ACKR3: variants seen among roughly 807,000 people sequenced by gnomAD.
ACKR3 encodes atypical chemokine receptor 3.
In ACKR3, 6 loss-of-function variants were observed where a neutral mutation model predicts 22.4. The observed-to-expected ratio is 0.27, with a 90% CI of 0.15 to 0.53. ACKR3 has a LOEUF of 0.53. Among genes scored for constraint, ACKR3 ranks in the 20% least tolerant of loss-of-function variants. The pLI is 0.96. For missense variants in ACKR3, 396 were observed against 475.2 expected (o/e 0.83, Z 1.55); for synonymous variants, 209 against 205.2 (o/e 1.02, Z -0.16).
At chr2:236,559,104 C>T in the ACKR3 span, among the ~76,000 whole-genome samples, 1 of 152,152 alleles carries the variant, frequency 6.6e-6, no homozygotes, top group Admixed American at 6.5e-5. Context: ...CCATTAGGCC[C>T]TCTGTGCTTT....
At chr2:236,566,886 TTC>T (rs984943433), upstream of ACKR3, among the ~76,000 whole-genome samples, 1 of 151,376 alleles carries the variant, frequency 6.6e-6, no homozygotes, top group African/African-American at 2.4e-5. Flanking sequence ...TTTTCTTCCT[TTC>T]TCTCTCTGTC....
chr2:236,557,678 ATT>A, the ACKR3 span, among the ~76,000 whole-genome samples: 1 of 152,224 alleles, frequency 6.6e-6, no homozygotes, highest in Non-Finnish European at 1.5e-5. Flanking sequence ...AGAATGAGAT[ATT>A]TGCATACATT....
At chr2:236,578,069 A>G (rs71424925) in intron 1 of ACKR3, among the ~76,000 whole-genome samples, 17,568 of 152,302 alleles carry the variant, frequency 0.12, 1,094 homozygotes, top group Middle Eastern at 0.18. Flanking sequence ...GTTGCAGTAG[A>G]GCCATGTGGG....
chr2:236,540,102 C>CA, the ACKR3 span, among the ~76,000 whole-genome samples: 7 of 152,284 alleles, frequency 4.6e-5, no homozygotes, highest in Admixed American at 2.0e-4. Context: ...TAGGAAACTG[C>CA]AAAACAGTTT....
rs1447038445 is a variant in ACKR3, at chr2:236,577,859, A to C, written c.-26-2581A>C. On this transcript the variant is annotated intron_variant, in intron 1 of 1. Transcript: ENST00000272928. The surrounding 1 kb of genome is among the most constrained non-coding windows in gnomAD (Gnocchi z 5.6). The stretch of plus-strand genomic sequence containing the variant: ...CCAGTGGGGACAGAGCAGGGAGCCC[A>C]AGCCAGGCGCCAGCCGAGCTCCCTC... Among the ~76,000 whole-genome samples, 1 of 152,160 alleles carries C rather than the reference A, an allele frequency of 6.6e-6. No individual in the cohort carries two copies. Among genetic ancestry groups the C allele is most frequent in the Non-Finnish European group, 1.5e-5 (1 of 68,024 alleles).
chr2:236,548,387 C>T, the ACKR3 span, among the ~76,000 whole-genome samples: 1 of 152,154 alleles, frequency 6.6e-6, no homozygotes, highest in Admixed American at 6.5e-5. This position sits in a 1 kb window ranked among gnomAD's most constrained non-coding sequence, Gnocchi z 4.3. Flanking sequence ...ATTTTTGGAC[C>T]ACAAAGATGT....
intron 1 of ACKR3, among the ~76,000 whole-genome samples, chr2:236,578,808 T>A (rs1691464547): frequency 6.6e-6 from 1 of 152,172 alleles, no homozygotes; most frequent in African/African-American, 2.4e-5. Context: ...CATTTACTAC[T>A]CAGCCAGTGA....
At chr2:236,563,507 T>C (rs1376087859), upstream of ACKR3, among the ~76,000 whole-genome samples, 1 of 151,978 alleles carries the variant, frequency 6.6e-6, no homozygotes, top group Non-Finnish European at 1.5e-5. Flanking sequence ...CGAAAGAAGG[T>C]TTTCTAAAGC....
At chr2:236,559,213 A>G in the ACKR3 span, among the ~76,000 whole-genome samples, 3 of 152,248 alleles carry the variant, frequency 2.0e-5, no homozygotes, top group East Asian at 5.8e-4. Flanking sequence ...AGAGAAAGTA[A>G]TGCTTCACTC....
chr2:236,555,043 G>A, the ACKR3 span, among the ~76,000 whole-genome samples: 1 of 152,192 alleles, frequency 6.6e-6, no homozygotes, highest in African/African-American at 2.4e-5. Context: ...CAATCAAGTG[G>A]TTGCCAAGCT....
At chr2:236,559,303 A>G in the ACKR3 span, among the ~76,000 whole-genome samples, 3 of 152,274 alleles carry the variant, frequency 2.0e-5, no homozygotes, top group Admixed American at 2.0e-4. Context: ...AGGTAACAGC[A>G]AGTAATATAA....
chr2:236,561,118 A>C, the ACKR3 span, among the ~76,000 whole-genome samples: 94 of 152,370 alleles, frequency 6.2e-4, no homozygotes, highest in Admixed American at 1.0e-3. Flanking sequence ...TCATAGAATC[A>C]AAGAGTGGAA....
chr2:236,567,244 C>A (rs1295783288), upstream of ACKR3, among the ~76,000 whole-genome samples: 3 of 152,146 alleles, frequency 2.0e-5, no homozygotes, highest in African/African-American at 7.2e-5. Flanking sequence ...CGCGATCCGC[C>A]CGCCTCGGCC....
chr2:236,579,123 G>A (rs554272334), intron 1 of ACKR3, among the ~76,000 whole-genome samples: 1 of 152,318 alleles, frequency 6.6e-6, no homozygotes, highest in South Asian at 2.1e-4. Context: ...GTCTGATCTC[G>A]GAGTGGGCGG....
upstream of ACKR3, chr2:236,569,514 A>T (rs1188063914): frequency 2.0e-5 from 3 of 152,232 alleles, no homozygotes; most frequent in African/African-American, 7.2e-5. Context: ...TAAATATTTG[A>T]TGATTTTGCC....
Position 236,581,089 on chromosome 2 carries a change from G to C in ACKR3, c.624G>C (p.Trp208Cys). The C allele has an allele frequency of 6.2e-7, 1 of 1,614,198 alleles. No individual in the cohort carries two copies. Among genetic ancestry groups the C allele is most frequent in the Non-Finnish European group, 8.5e-7 (1 of 1,180,038 alleles). Residue 208 changes from tryptophan to cysteine, a missense_variant, in exon 2 of 2, where the codon TGG becomes TGC. Coordinates refer to ENST00000272928, the MANE Select transcript of ACKR3 (RefSeq NM_020311.3). The surrounding 1 kb of genome is among the most constrained non-coding windows in gnomAD (Gnocchi z 4.4). The stretch of plus-strand genomic sequence containing the variant: ...ACCCCGAGCACAGCATCAAGGAGTG[G>C]CTGATCGGCATGGAGCTGGTCTCCG... ...SFYPEHSIKEWLIGMELVSVV... is the reference protein window; with the variant it reads ...SFYPEHSIKECLIGMELVSVV...
chr2:236,544,154 T>C, the ACKR3 span, among the ~76,000 whole-genome samples: 8 of 151,282 alleles, frequency 5.3e-5, no homozygotes, highest in Admixed American at 4.6e-4. This position sits in a 1 kb window ranked among gnomAD's most constrained non-coding sequence, Gnocchi z 5.0. Context: ...CATGCCCGGC[T>C]AATTTTTGTA....
At chr2:236,580,162 G>GT (rs1691488559) in intron 1 of ACKR3, among the ~76,000 whole-genome samples, 2 of 152,216 alleles carry the variant, frequency 1.3e-5, no homozygotes, top group South Asian at 4.1e-4. Flanking sequence ...CCATGCTGGC[G>GT]GTGTCTTGAG....
chr2:236,546,582 C>A, the ACKR3 span, among the ~76,000 whole-genome samples: 1 of 152,202 alleles, frequency 6.6e-6, no homozygotes, highest in Non-Finnish European at 1.5e-5. The surrounding 1 kb of genome is among the most constrained non-coding windows in gnomAD (Gnocchi z 4.9). Context: ...GGCGCTCAGG[C>A]CTGCCAGACG....
Sources: allele counts gnomAD v4.1 joint callset (sites outside exome capture counted in the v4.1 genomes callset), GRCh38; gene constraint gnomAD v4.1.1; non-coding constraint Gnocchi (gnomAD v3.1); transcripts MANE v1.5; gene names NCBI Gene and HGNC (gene_info 2026-07-23, HGNC 2026-07-21).